SF3B1: variants seen among roughly 807,000 people sequenced by gnomAD.
SF3B1 encodes the protein splicing factor 3b subunit 1, also known as pre-mRNA processing 10.
SF3B1 carries 12 observed loss-of-function variants against 153.8 expected under a neutral mutation model. The ratio of observed to expected loss-of-function variants is 0.08; its 90% CI spans 0.05 to 0.13. The LOEUF (loss-of-function observed/expected upper bound fraction) is 0.13. SF3B1 is among the 10% of genes least tolerant of loss of function. SF3B1 has a pLI of 1.00. For missense variants in SF3B1, 513 were observed against 1,606.1 expected (o/e 0.32, Z 11.63); for synonymous variants, 498 against 525.2 (o/e 0.95, Z 0.71).
At chr2:197,421,821 A>T (rs1193679838) in intron 2 of SF3B1, among the ~76,000 whole-genome samples, 3 of 152,204 alleles carry the variant, frequency 2.0e-5, no homozygotes, top group African/African-American at 7.2e-5. Flanking sequence ...CTACCAAAAA[A>T]AATACAAAAA....
intron 11 of SF3B1, chr2:197,404,582 T>G (rs879643298): frequency 6.6e-6 from 1 of 151,708 alleles, no homozygotes; most frequent in Non-Finnish European, 1.5e-5. Flanking sequence ...GTCTCAAAAA[T>G]ATATATATAA....
intron 23 of SF3B1, among the ~76,000 whole-genome samples, chr2:197,394,397 T>C (rs1165340993): frequency 6.6e-6 from 1 of 152,170 alleles, no homozygotes; most frequent in Non-Finnish European, 1.5e-5. Context: ...TAAAGTTAAA[T>C]TCCCTTCTCA....
Position 197,389,996 on chromosome 2 carries a change from A to G in SF3B1, c.*2307T>C, listed in dbSNP as rs962924840. 1 of 152,224 alleles carries G rather than the reference A, an allele frequency of 6.6e-6. No homozygotes were observed. Among genetic ancestry groups the G allele is most frequent in the South Asian group, 2.1e-4 (1 of 4,836 alleles). The allele number at this position is 152,224 out of a possible 1,614,324, so 9.4% of individuals were successfully genotyped here. A position where few individuals can be genotyped will look rare whatever the true frequency, so the allele number is the denominator to read the frequency against. Reference sequence around the variant, plus strand: ...CTTTGTTTGGCTTTAAGAAACACCAAAAGAAAATACAAAAGAAAAGGTCTT... The same window carrying G: ...CTTTGTTTGGCTTTAAGAAACACCAGAAGAAAATACAAAAGAAAAGGTCTT... On this transcript the variant is annotated 3_prime_UTR_variant, in exon 25 of 25. Transcript: ENST00000335508.
chr2:197,415,119 T>C (rs1428278790), intron 6 of SF3B1, among the ~76,000 whole-genome samples: 1 of 150,570 alleles, frequency 6.6e-6, no homozygotes, highest in African/African-American at 2.4e-5. Context: ...TTTGTTGCTG[T>C]TATTAAGACA....
At position 197,403,552 on chromosome 2, in the gene SF3B1, A is replaced by G. The variant is rs370038957; in HGVS notation, c.1719+33T>C. Reference sequence around the variant, plus strand: ...GATTAACTGAAAAAGTTAAAACTTTAAACTATCAGAAACACTATTAAGGAG... The same window carrying G: ...GATTAACTGAAAAAGTTAAAACTTTGAACTATCAGAAACACTATTAAGGAG... On this transcript the variant is annotated intron_variant, in intron 12 of 24. Transcript: ENST00000335508. 8 of 1,432,206 alleles carry G rather than the reference A, an allele frequency of 5.6e-6. No homozygotes were observed. The African/African-American group carries it at 1.0e-4, about 19-fold the overall frequency. 88.7% of individuals were successfully genotyped at this position (1,432,206 alleles called of 1,614,324 possible). A position where few individuals can be genotyped will look rare whatever the true frequency, so the allele number is the denominator to read the frequency against.
At chr2:197,426,177 C>T (rs1400654340) in intron 1 of SF3B1, among the ~76,000 whole-genome samples, 2 of 151,988 alleles carry the variant, frequency 1.3e-5, no homozygotes, top group African/African-American at 2.4e-5. Flanking sequence ...CAGAAATATC[C>T]TCACATGAGC....
At chr2:197,426,467 T>C (rs1168118045) in intron 1 of SF3B1, among the ~76,000 whole-genome samples, 2 of 150,656 alleles carry the variant, frequency 1.3e-5, no homozygotes, top group African/African-American at 2.4e-5. Context: ...AGCTTCAGGC[T>C]TTTTTTTTAA....
intron 4 of SF3B1, 84 bp from the exon 5 acceptor site, chr2:197,418,672 A>G: frequency 2.0e-6 from 3 of 1,512,704 alleles, no homozygotes. Context: ...CCTGCTCTAA[A>G]TATTATGTTA....
In SF3B1 at chr2:197,402,635, C is replaced by G. The variant is rs377023736; in HGVS notation, c.1998G>C (p.Lys666Asn). 2.0e-5 allele frequency: 33 copies of G among 1,613,824 alleles called. No individual in the cohort carries two copies. Among genetic ancestry groups the G allele is most frequent in the Admixed American group, 3.3e-5 (2 of 59,986 alleles). The change falls in exon 14 of 25, where the codon AAG (lysine) becomes AAC (asparagine). Residue 666 changes from lysine (K) to asparagine (N), a missense_variant. Lys to Asn is a moderately conservative substitution (Grantham distance 94, BLOSUM62 0). Around this residue, in one of 21 missense-constraint regions of SF3B1, gnomAD observed 13 missense variants for 16.1 expected, o/e 0.81. Coordinates refer to ENST00000335508, the MANE Select transcript of SF3B1 (RefSeq NM_012433.4). This position sits in a 1 kb window ranked among gnomAD's most constrained non-coding sequence, Gnocchi z 4.6. ...KSWQARHTGI[K>N]IVQQIAILMG... ...TAAGAATAGCTATCTGTTGTACAAT[C>G]TTAATACCAGTGTGTCTCGCTTGCC...
At chr2:197,394,580 G>A (rs1053283062) in intron 23 of SF3B1, among the ~76,000 whole-genome samples, 13 of 152,228 alleles carry the variant, frequency 8.5e-5, no homozygotes, top group Non-Finnish European at 1.2e-4. Context: ...GAGCTCGCTG[G>A]CTAACACAAT....
intron 9 of SF3B1, 170 bp downstream of exon 9, chr2:197,407,828 T>C: frequency 1.8e-6 from 1 of 554,208 alleles, no homozygotes; most frequent in Non-Finnish European, 3.2e-6. Context: ...TTTCATGTTG[T>C]TCATTTCTTT....
intron 1 of SF3B1, among the ~76,000 whole-genome samples, chr2:197,430,364 G>A (rs1234220613): frequency 6.6e-6 from 1 of 152,174 alleles, no homozygotes; most frequent in Admixed American, 6.5e-5. Flanking sequence ...AGTGACCAGT[G>A]TACAAATTAA....
At chr2:197,393,394 T>G (rs2084836416) in intron 23 of SF3B1, 4 of 557,746 alleles carry the variant, frequency 7.2e-6, no homozygotes. Flanking sequence ...ACTTGAGGAC[T>G]TTTGCTTTAA....
At chr2:197,395,181 C>CT (rs2084862134) in intron 23 of SF3B1, among the ~76,000 whole-genome samples, 1 of 152,186 alleles carries the variant, frequency 6.6e-6, no homozygotes. Context: ...AATGACTGCA[C>CT]TATGGTGCTC....
intron 6 of SF3B1, among the ~76,000 whole-genome samples, chr2:197,416,099 T>A (rs1350213715): frequency 6.8e-6 from 1 of 147,446 alleles, no homozygotes; most frequent in Non-Finnish European, 1.5e-5. Flanking sequence ...ATTATAGGCA[T>A]GAGCCAATGC....
In SF3B1 at chr2:197,418,865, G is replaced by A. The variant is rs1574546411; in HGVS notation, c.416-277C>T. On this transcript the variant is annotated intron_variant, in intron 4 of 24. Coordinates refer to ENST00000335508, the MANE Select transcript of SF3B1 (RefSeq NM_012433.4). ...CAGTTTAGAGTCTTCAGAAGTGATG[G>A]GTTCCTGGGTTGCTAATCCGGAATA... 4.5e-6 allele frequency: 7 copies of A among 1,563,120 alleles called. No individual in the cohort carries two copies. The East Asian group carries it at 1.6e-4, about 36-fold the overall frequency.
chr2:197,397,587 G>A (rs1334504486), intron 22 of SF3B1, among the ~76,000 whole-genome samples: 1 of 152,168 alleles, frequency 6.6e-6, no homozygotes, highest in African/African-American at 2.4e-5. Context: ...CTTGAGGCCA[G>A]GAGTTCGAGA....
At chr2:197,431,227 C>T (rs950316233) in intron 1 of SF3B1, among the ~76,000 whole-genome samples, 1 of 150,150 alleles carries the variant, frequency 6.7e-6, no homozygotes, top group Non-Finnish European at 1.5e-5. Flanking sequence ...AAGCGATTCT[C>T]CTGCAACAGC....
At position 197,400,473 on chromosome 2, in the gene SF3B1, T is replaced by A. The variant is rs553757566; in HGVS notation, c.2719-39A>T. The A allele has an allele frequency of 2.9e-5, 44 of 1,526,604 alleles. 1 individual carries two copies. The highest frequency in any genetic ancestry group is 1.8e-4 in the South Asian group (15 of 81,622). The allele number at this position is 1,526,604 out of a possible 1,614,324, so 94.6% of individuals were successfully genotyped here. ...TTAAAAAAAAGACATATTCATTTGG[T>A]TTATGACTGCACAGTTGAAATACAC... On this transcript the variant is annotated intron_variant, in intron 18 of 24. Transcript: ENST00000335508. The surrounding 1 kb of genome is among the most constrained non-coding windows in gnomAD (Gnocchi z 5.0).
Sources: gnomAD v4.1 joint callset for allele counts (sites outside exome capture counted in the v4.1 genomes callset) on GRCh38, gnomAD v4.1.1 for gene constraint, gnomAD v4.1.1 regional missense constraint, Gnocchi (gnomAD v3.1) non-coding constraint, MANE v1.5 for transcripts, NCBI Gene and HGNC (gene_info 2026-07-23, HGNC 2026-07-21) for gene names.